KCNAB2: variants seen among roughly 807,000 people sequenced by gnomAD.
The protein encoded by KCNAB2 is voltage-gated potassium channel subunit beta-2.
A neutral mutation model predicts 63.6 loss-of-function variants in KCNAB2; 29 were observed. The ratio of observed to expected loss-of-function variants is 0.46; its 90% CI spans 0.34 to 0.62. The LOEUF is 0.62. Ranked by LOEUF, KCNAB2 falls within the 20% of genes least tolerant of loss-of-function variation. The probability of loss-of-function intolerance (pLI) is 0.01; values close to 1 mark genes in which losing one functional copy is unlikely to be tolerated. For missense variants in KCNAB2, 359 were observed against 563.9 expected (o/e 0.64, Z 3.68); for synonymous variants, 222 against 224.2 (o/e 0.99, Z 0.09).
At chr1:6,097,149 G>T in intron 14 of KCNAB2, 120 bp from the exon 15 acceptor site, 1 of 1,170,562 alleles carries the variant, frequency 8.5e-7, no homozygotes. Context: ...GGGCTTCCTA[G>T]ACCCCCTCAG....
At chr1:6,039,017 C>T (rs964917461) in intron 1 of KCNAB2, among the ~76,000 whole-genome samples, 3 of 152,194 alleles carry the variant, frequency 2.0e-5, no homozygotes, top group Admixed American at 6.5e-5. Flanking sequence ...AACCACTGCC[C>T]TCCTGGAACA....
intron 9 of KCNAB2, 133 bp from the exon 10 acceptor site, chr1:6,091,130 T>G (rs1450113916): frequency 2.1e-5 from 15 of 700,326 alleles, no homozygotes; most frequent in Middle Eastern, 3.2e-4. Flanking sequence ...TGTTGATATA[T>G]TTTTTTCCTT....
intron 1 of KCNAB2, among the ~76,000 whole-genome samples, chr1:6,048,591 T>C (rs1009176102): frequency 1.3e-5 from 2 of 152,252 alleles, no homozygotes; most frequent in African/African-American, 4.8e-5. Context: ...CAGACCCGGA[T>C]TGCTTTTTGT....
chr1:6,062,535 C>T (rs187379505), intron 2 of KCNAB2, among the ~76,000 whole-genome samples: 75 of 152,304 alleles, frequency 4.9e-4, no homozygotes, highest in African/African-American at 1.8e-3. Flanking sequence ...TGGTGCTGGA[C>T]GGTGGAGACA....
chr1:6,081,149 C>T (rs1664177259), intron 4 of KCNAB2, among the ~76,000 whole-genome samples: 1 of 152,236 alleles, frequency 6.6e-6, no homozygotes, highest in African/African-American at 2.4e-5. Context: ...CTGACAGCAG[C>T]CATGGAGCAA....
Position 6,078,997 on chromosome 1 carries a change from G to A in KCNAB2, c.301-3198G>A, listed in dbSNP as rs1416408329. Among the ~76,000 whole-genome samples, 6 of 152,194 alleles carry A rather than the reference G, an allele frequency of 3.9e-5. No individual in the cohort carries two copies. Among genetic ancestry groups the A allele is most frequent in the African/African-American group, 1.2e-4 (5 of 41,452 alleles). Reference sequence around the variant, plus strand: ...AGAGCAGGGTGGGCACCGTGGAGGTGGGGAGACGGGTCAGATTCTGGACTA... The same window carrying A: ...AGAGCAGGGTGGGCACCGTGGAGGTAGGGAGACGGGTCAGATTCTGGACTA... On this transcript the variant is annotated intron_variant, in intron 4 of 15. Coordinates refer to ENST00000378083, the MANE Select transcript of KCNAB2 (RefSeq NM_001199862.2). This position sits in a 1 kb window ranked among gnomAD's most constrained non-coding sequence, Gnocchi z 4.2.
At position 6,028,413 on chromosome 1, in the gene KCNAB2, A is replaced by G. The variant is rs372258974; in HGVS notation, c.-52-12104A>G. The stretch of plus-strand genomic sequence containing the variant: ...ACGGCAGATACTTCGGGGGCTTGGC[A>G]GGGGGGACCTCCGGGGTTCCAGAAG... On this transcript the variant is annotated intron_variant, in intron 1 of 16. Transcript: ENST00000341524. The surrounding 1 kb of genome is among the most constrained non-coding windows in gnomAD (Gnocchi z 4.0). 4.2e-4 allele frequency among the ~76,000 whole-genome samples: 64 copies of G among 152,196 alleles called. 4 individuals are homozygous for G. The South Asian group carries it at 0.013, about 31-fold the overall frequency.
chr1:6,013,943 T>C (rs1195734012), intron 1 of KCNAB2, among the ~76,000 whole-genome samples: 1 of 152,154 alleles, frequency 6.6e-6, no homozygotes, highest in Non-Finnish European at 1.5e-5. Context: ...GACTGTGCTT[T>C]AGAGGGTGGA....
At chr1:6,080,530 G>A (rs984299685) in intron 4 of KCNAB2, among the ~76,000 whole-genome samples, 3 of 152,168 alleles carry the variant, frequency 2.0e-5, no homozygotes, top group Admixed American at 1.3e-4. Context: ...CTCCACCCCC[G>A]GGCTTCCTGA....
At position 6,087,518 on chromosome 1, in the gene KCNAB2, G is replaced by A. The variant is rs759195339; in HGVS notation, c.470+7G>A. On this transcript the variant is annotated splice_region_variant and intron_variant, in intron 7 of 15. Transcript: ENST00000378083. The surrounding 1 kb of genome is among the most constrained non-coding windows in gnomAD (Gnocchi z 6.4). ...AGATCTTCTGGGGCGGAAAGTAGGT[G>A]CAACAGCTGGCGATGCTTCCAGCCC... The A allele has an allele frequency of 1.9e-6, 3 of 1,614,070 alleles. No homozygotes were observed. The highest frequency in any genetic ancestry group is 1.7e-5 in the Admixed American group (1 of 60,034).
intron 6 of KCNAB2, among the ~76,000 whole-genome samples, chr1:6,085,496 A>G (rs985424919): frequency 3.3e-5 from 5 of 152,026 alleles, no homozygotes; most frequent in Admixed American, 2.0e-4. Context: ...CTCTGTCCCA[A>G]CTCATCCACA....
chr1:6,061,195 C>T (rs1662285481), intron 2 of KCNAB2, among the ~76,000 whole-genome samples: 2 of 152,230 alleles, frequency 1.3e-5, no homozygotes, highest in Admixed American at 6.5e-5. Flanking sequence ...CAGTGAATCA[C>T]AGCAAGAGCT....
rs151234373 is a variant in KCNAB2, at chr1:6,015,107, C to A, written c.-53+22319C>A. ...AGTGCAGTGGCGGGATCTCAGCTCA[C>A]CACAACTTCCACCTCCCAGGTTCAA... On this transcript the variant is annotated intron_variant, in intron 1 of 16. Coordinates refer to the KCNAB2 transcript ENST00000341524. Among the ~76,000 whole-genome samples, 787 of 145,136 alleles carry A rather than the reference C, an allele frequency of 5.4e-3. 6 individuals carry two copies. The highest frequency in any genetic ancestry group is 0.018 in the African/African-American group (715 of 39,892).
At position 6,098,722 on chromosome 1, in the gene KCNAB2, G is replaced by T. The variant is rs1226024956; in HGVS notation, c.*148G>T. ...ATGTCATCGGGAAATGATCTCCCAA[G>T]TCGCTGCCAGACACCACCCACTGCT... is the stretch of plus-strand genomic sequence containing the variant. On this transcript the variant is annotated 3_prime_UTR_variant, in exon 16 of 16. Coordinates refer to ENST00000378083, the MANE Select transcript of KCNAB2 (RefSeq NM_001199862.2). 4 of 1,020,662 alleles carry T rather than the reference G, an allele frequency of 3.9e-6. No homozygotes were observed. In the African/African-American group the frequency reaches 6.5e-5, roughly 17 times the overall value. The allele number at this position is 1,020,662 out of a possible 1,614,324, so 63.2% of individuals were successfully genotyped here.
chr1:6,013,663 A>C lies in KCNAB2; in HGVS notation c.-53+20875A>C, dbSNP rs533319217. ...ACCTGCACCCCTGTCTTCCCCCTACACCCCGCATCTGTCCGAAGACCCTGC... is the reference window on the plus strand; with the variant it reads ...ACCTGCACCCCTGTCTTCCCCCTACCCCCCGCATCTGTCCGAAGACCCTGC... On this transcript the variant is annotated intron_variant, in intron 1 of 16. Transcript: ENST00000341524. 4.6e-5 allele frequency among the ~76,000 whole-genome samples: 7 copies of C among 151,584 alleles called. No homozygotes were observed. In the East Asian group the frequency reaches 1.4e-3, roughly 29 times the overall value.
At chr1:6,057,243 G>T (rs1164059077) in intron 2 of KCNAB2, among the ~76,000 whole-genome samples, 1 of 151,844 alleles carries the variant, frequency 6.6e-6, no homozygotes, top group Non-Finnish European at 1.5e-5. Flanking sequence ...GGCAGGGCAG[G>T]AGTCCTGATT....
chr1:6,038,052 AT>A (rs1423426445), intron 1 of KCNAB2, among the ~76,000 whole-genome samples: 11 of 150,184 alleles, frequency 7.3e-5, no homozygotes, highest in Non-Finnish European at 1.3e-4. Context: ...TTTTTTTTGT[AT>A]TTTTTAGTAG....
upstream of KCNAB2, among the ~76,000 whole-genome samples, chr1:6,030,693 T>C (rs1221534080): frequency 6.6e-6 from 1 of 151,076 alleles, no homozygotes; most frequent in African/African-American, 2.4e-5. Flanking sequence ...TTTGTGTGTA[T>C]GTGTGTGTGT....
At chr1:6,016,220 C>A (rs1658486357) in intron 1 of KCNAB2, among the ~76,000 whole-genome samples, 1 of 152,146 alleles carries the variant, frequency 6.6e-6, no homozygotes, top group African/African-American at 2.4e-5. Context: ...CACGGACTCC[C>A]AGGGGCCAAG....
Sources: gnomAD v4.1 joint callset for allele counts (sites outside exome capture counted in the v4.1 genomes callset) on GRCh38, gnomAD v4.1.1 for gene constraint, Gnocchi (gnomAD v3.1) non-coding constraint, MANE v1.5 for transcripts, NCBI Gene and HGNC (gene_info 2026-07-23, HGNC 2026-07-21) for gene names.